TMEM117: variants seen among roughly 807,000 people sequenced by gnomAD.
TMEM117 encodes transmembrane protein 117.
Under a neutral mutation model 52.4 loss-of-function variants are expected in TMEM117, and 27 were observed. The ratio of observed to expected loss-of-function variants is 0.51; its 90% confidence interval spans 0.38 to 0.71. TMEM117 has a LOEUF of 0.71. Ranked by LOEUF, TMEM117 falls within the 30% of genes least tolerant of loss-of-function variation. TMEM117 has a pLI of 0.00. For synonymous variants in TMEM117, 215 were observed against 206.3 expected (o/e 1.04, Z -0.36); for missense variants, 556 against 630.5 (o/e 0.88, Z 1.26).
intron 6 of TMEM117, among the ~76,000 whole-genome samples, chr12:44,321,836 T>C (rs984038065): frequency 6.6e-6 from 1 of 152,230 alleles, no homozygotes; most frequent in Admixed American, 6.5e-5. Flanking sequence ...TATATCCAGA[T>C]AGAGAATCAC....
intron 3 of TMEM117, among the ~76,000 whole-genome samples, chr12:44,072,264 C>A (rs2137985517): frequency 6.6e-6 from 1 of 152,178 alleles, no homozygotes; most frequent in Admixed American, 6.5e-5. Context: ...TTTACTCTTT[C>A]CCTTTACTTT....
intron 3 of TMEM117, among the ~76,000 whole-genome samples, chr12:44,068,083 G>C (rs776587326): frequency 6.6e-5 from 10 of 152,154 alleles, no homozygotes; most frequent in Non-Finnish European, 1.5e-4. Context: ...GCTAACTTCA[G>C]ACATTTCTTC....
chr12:43,953,622 C>A (rs1463323935), intron 3 of TMEM117, among the ~76,000 whole-genome samples: 4 of 152,042 alleles, frequency 2.6e-5, no homozygotes, highest in Admixed American at 1.3e-4. Context: ...ATATATGCAC[C>A]CAATACAGGA....
chr12:43,823,719 G>A, the TMEM117 span, among the ~76,000 whole-genome samples: 6 of 152,020 alleles, frequency 3.9e-5, no homozygotes, highest in South Asian at 1.2e-3. Context: ...TCACCATGTT[G>A]GCCAGGATGG....
chr12:43,929,343 A>G (rs546166091), intron 2 of TMEM117, among the ~76,000 whole-genome samples: 4 of 152,150 alleles, frequency 2.6e-5, no homozygotes, highest in Non-Finnish European at 5.9e-5. Context: ...AATTACACAT[A>G]CTTTTATTCA....
chr12:44,040,510 A>C (rs115111677), intron 3 of TMEM117, among the ~76,000 whole-genome samples: 1,898 of 152,192 alleles, frequency 0.012, 39 homozygotes, highest in African/African-American at 0.043. Flanking sequence ...AACAGGCTAA[A>C]ATTTCTTCAT....
intron 4 of TMEM117, among the ~76,000 whole-genome samples, chr12:44,180,814 T>C (rs868690655): frequency 1.3e-3 from 194 of 152,062 alleles, no homozygotes; most frequent in African/African-American, 4.3e-3. Context: ...AATAAACATA[T>C]GTGTGCATGT....
chr12:44,170,171 A>T (rs984250148), intron 4 of TMEM117, among the ~76,000 whole-genome samples: 2 of 151,890 alleles, frequency 1.3e-5, no homozygotes, highest in African/African-American at 4.8e-5. Context: ...GGAAACCATC[A>T]TTCTCAGCAA....
chr12:44,044,073 G>T (rs1456527819), intron 3 of TMEM117, among the ~76,000 whole-genome samples: 1 of 152,218 alleles, frequency 6.6e-6, no homozygotes, highest in East Asian at 1.9e-4. Flanking sequence ...GATTGGGATG[G>T]TGGAGTGGAT....
chr12:43,817,019 G>T, the TMEM117 span, among the ~76,000 whole-genome samples: 1 of 152,198 alleles, frequency 6.6e-6, no homozygotes, highest in Non-Finnish European at 1.5e-5. Flanking sequence ...GAGCACACTG[G>T]ATTCTTCAGC....
chr12:43,934,144 A>G (rs1001082701), intron 2 of TMEM117, among the ~76,000 whole-genome samples: 2 of 152,148 alleles, frequency 1.3e-5, no homozygotes, highest in African/African-American at 4.8e-5. Context: ...AGAACATAAT[A>G]TATGTATGCA....
intron 3 of TMEM117, among the ~76,000 whole-genome samples, chr12:44,025,261 T>C (rs953692003): frequency 2.0e-5 from 3 of 152,204 alleles, no homozygotes; most frequent in African/African-American, 7.2e-5. Flanking sequence ...CAGATACGGT[T>C]CAGGGGCACC....
At chr12:44,142,287 T>C (rs1028233248) in intron 3 of TMEM117, among the ~76,000 whole-genome samples, 1 of 152,198 alleles carries the variant, frequency 6.6e-6, no homozygotes, top group East Asian at 1.9e-4. Context: ...GTCCATGGAA[T>C]TGGAGATCCA....
At chr12:44,289,225 TTGTGTGTGTGTGTGTGTG>T (rs59507806) in intron 5 of TMEM117, among the ~76,000 whole-genome samples, 8 of 145,978 alleles carry the variant, frequency 5.5e-5, no homozygotes, top group African/African-American at 1.5e-4. Flanking sequence ...CTATCCCATT[TTGTGTGTGTGTGTGTGTG>T]TGTGTGTGTG....
the TMEM117 span, among the ~76,000 whole-genome samples, chr12:43,830,864 C>A: frequency 6.6e-6 from 1 of 152,166 alleles, no homozygotes; most frequent in Non-Finnish European, 1.5e-5. Context: ...ACATGCAAAG[C>A]AGCTACTTCT....
chr12:43,977,991 A>G (rs1945699894), intron 3 of TMEM117, among the ~76,000 whole-genome samples: 1 of 152,178 alleles, frequency 6.6e-6, no homozygotes, highest in South Asian at 2.1e-4. Context: ...GCCAAAACTG[A>G]TTAGGTTCTA....
chr12:44,084,945 ATC>A (rs1947542257), intron 3 of TMEM117, among the ~76,000 whole-genome samples: 1 of 152,164 alleles, frequency 6.6e-6, no homozygotes, highest in Admixed American at 6.5e-5. Flanking sequence ...TCTCTGTACC[ATC>A]TAATATAAGC....
chr12:44,097,458 A>G (rs1001693703), intron 3 of TMEM117, among the ~76,000 whole-genome samples: 1 of 152,080 alleles, frequency 6.6e-6, no homozygotes, highest in African/African-American at 2.4e-5. Flanking sequence ...AAGACTTGGA[A>G]CCAACCCAAA....
At chr12:43,961,930 G>A (rs950783228) in intron 3 of TMEM117, among the ~76,000 whole-genome samples, 4 of 152,078 alleles carry the variant, frequency 2.6e-5, no homozygotes, top group East Asian at 1.9e-4. Flanking sequence ...ATAAGAGATC[G>A]CCCAGCACCA....
Sources: allele counts gnomAD v4.1 joint callset (sites outside exome capture counted in the v4.1 genomes callset), GRCh38; gene constraint gnomAD v4.1.1; transcripts MANE v1.5; gene names NCBI Gene and HGNC (gene_info 2026-07-23, HGNC 2026-07-21).